Variants in TFB1M observed in about 807,000 individuals in gnomAD.
The protein encoded by TFB1M is dimethyladenosine transferase 1, mitochondrial.
In TFB1M, 27 loss-of-function variants were observed where a neutral mutation model predicts 31.1. The ratio of observed to expected loss-of-function variants is 0.87; its 90% CI spans 0.64 to 1.20. The LOEUF (loss-of-function observed/expected upper bound fraction) is 1.20, where lower values mean the gene tolerates loss of function less well. Ranked by LOEUF, TFB1M falls within the 50% of genes most tolerant of loss-of-function variation. The pLI, the probability that TFB1M is intolerant of heterozygous loss-of-function variation, is 0.00. For synonymous variants in TFB1M, 166 were observed against 151.8 expected (o/e 1.09, Z -0.69); for missense variants, 394 against 418.7 (o/e 0.94, Z 0.51).
At chr6:155,239,583 T>C in the TFB1M span, among the ~76,000 whole-genome samples, 10 of 152,360 alleles carry the variant, frequency 6.6e-5, no homozygotes, top group Non-Finnish European at 2.9e-5. Flanking sequence ...AGGCTGTCTT[T>C]GAGAAGGCGG....
intron 5 of TFB1M, among the ~76,000 whole-genome samples, chr6:155,280,543 T>G (rs897717040): frequency 6.6e-6 from 1 of 152,194 alleles, no homozygotes; most frequent in Non-Finnish European, 1.5e-5. Flanking sequence ...CTCATGCCCC[T>G]TCTCCTGAGG....
chr6:155,305,133 T>C (rs1582877749), intron 2 of TFB1M, among the ~76,000 whole-genome samples: 1 of 109,194 alleles, frequency 9.2e-6, no homozygotes, highest in Admixed American at 1.3e-4. Context: ...TATACATAAT[T>C]ATATATTTAT....
Position 155,314,439 on chromosome 6 carries a change from A to T in TFB1M, c.-11T>A, listed in dbSNP as rs1392576085. 1.9e-6 allele frequency: 3 copies of T among 1,613,936 alleles called. No homozygotes were observed. The highest frequency in any genetic ancestry group is 2.5e-6 in the Non-Finnish European group (3 of 1,179,986). Reference sequence around the variant, plus strand: ...TCCGGAGGCAGCCATGATACGCGGCAAGCACCATCCAACCCTACCTCACCC... The same window carrying T: ...TCCGGAGGCAGCCATGATACGCGGCTAGCACCATCCAACCCTACCTCACCC... On this transcript the variant is annotated 5_prime_UTR_variant, in exon 1 of 7. Coordinates refer to ENST00000367166, the MANE Select transcript of TFB1M (RefSeq NM_016020.4).
chr6:155,257,258 G>A lies in TFB1M; in HGVS notation c.*578C>T, dbSNP rs768306372. The stretch of plus-strand genomic sequence containing the variant: ...GCAGTATACATTTTCCCACAAAATG[G>A]TTGTAAAGATTTAAGTTATTTTAAT... On this transcript the variant is annotated 3_prime_UTR_variant, in exon 7 of 7. Coordinates refer to ENST00000367166, the MANE Select transcript of TFB1M (RefSeq NM_016020.4). The A allele has an allele frequency of 3.2e-5, 31 of 975,718 alleles. No homozygotes were observed. The highest frequency in any genetic ancestry group is 3.3e-4 in the Middle Eastern group (1 of 3,054). 60.4% of individuals were successfully genotyped at this position (975,718 alleles called of 1,614,324 possible).
chr6:155,266,910 T>G (rs1261659929), intron 5 of TFB1M, among the ~76,000 whole-genome samples: 10 of 147,734 alleles, frequency 6.8e-5, no homozygotes, highest in Admixed American at 3.4e-4. Flanking sequence ...AGTGAGACAT[T>G]AAAGCATAGT....
At chr6:155,238,866 A>G in the TFB1M span, among the ~76,000 whole-genome samples, 4 of 152,190 alleles carry the variant, frequency 2.6e-5, no homozygotes, top group Non-Finnish European at 5.9e-5. Flanking sequence ...CCCTCAATTG[A>G]TGACCACTGA....
intron 4 of TFB1M, among the ~76,000 whole-genome samples, chr6:155,296,110 T>C (rs1777159082): frequency 6.6e-6 from 1 of 152,144 alleles, no homozygotes; most frequent in Non-Finnish European, 1.5e-5. Flanking sequence ...CTGGAGGGTT[T>C]ACTTTCTAGA....
rs1435192923 is a variant in TFB1M, at chr6:155,260,372, G to T, written c.695C>A (p.Pro232His). The T allele has an allele frequency of 1.2e-6, 2 of 1,614,168 alleles. No homozygotes were observed. Among genetic ancestry groups the T allele is most frequent in the South Asian group, 2.2e-5 (2 of 91,082 alleles). The change falls in exon 6 of 7, where the codon CCC becomes CAC. Residue 232 changes from proline (P) to histidine (H), a missense_variant. By Grantham distance (77) the Pro-to-His change is moderately conservative (BLOSUM62 -2). Around this residue, in one of 3 missense-constraint regions of TFB1M, gnomAD observed 115 missense variants for 144.1 expected, o/e 0.80. Coordinates refer to ENST00000367166, the MANE Select transcript of TFB1M (RefSeq NM_016020.4). ...CTGCTCTATCTTGGGCTGTATCAAG[G>T]GAGTGAAGTGCACCACGCCCACGTC... ...EVDVGVVHFT[P>H]LIQPKIEQPF...
rs890729133 is a variant in TFB1M at position 155,311,465 on chromosome 6, T to C, written c.134-126A>G. On this transcript the variant is annotated intron_variant, in intron 1 of 6. Transcript: ENST00000367166. ...ATCAATTGATCCTTTATGTATAATA[T>C]TTATTTGACTATTTAACTCTCTACC... The C allele has an allele frequency of 6.4e-6, 5 of 781,608 alleles. No homozygotes were observed. The South Asian group carries it at 7.6e-5, about 12-fold the overall frequency. The allele number at this position is 781,608 out of a possible 1,614,324, so 48.4% of individuals were successfully genotyped here. A position where few individuals can be genotyped will look rare whatever the true frequency, so the allele number is the denominator to read the frequency against.
chr6:155,263,570 T>C (rs146934543), intron 5 of TFB1M, among the ~76,000 whole-genome samples: 2 of 152,332 alleles, frequency 1.3e-5, no homozygotes, highest in East Asian at 3.9e-4. Context: ...CCAGGGTGTC[T>C]AGGACGTGAC....
chr6:155,257,786 C>G lies in TFB1M; in HGVS notation c.*50G>C, dbSNP rs1339626209. The G allele has an allele frequency of 2.5e-6, 4 of 1,611,434 alleles. No homozygotes were observed. Among genetic ancestry groups the G allele is most frequent in the Non-Finnish European group, 3.4e-6 (4 of 1,178,792 alleles). On this transcript the variant is annotated 3_prime_UTR_variant, in exon 7 of 7. Transcript: ENST00000367166. Reference sequence around the variant, plus strand: ...CAAAAGAGTACCTATATAAGAAGCTCCACGTAGTGCAAATCGACATCTGGT... The same window carrying G: ...CAAAAGAGTACCTATATAAGAAGCTGCACGTAGTGCAAATCGACATCTGGT...
At chr6:155,240,583 C>T in the TFB1M span, 35 of 1,614,030 alleles carry the variant, frequency 2.2e-5, no homozygotes, top group East Asian at 3.1e-4. Flanking sequence ...GTCAGGCCAA[C>T]GGCATGGAAG....
intron 4 of TFB1M, among the ~76,000 whole-genome samples, chr6:155,286,527 A>G (rs929014647): frequency 1.4e-5 from 2 of 138,100 alleles, no homozygotes; most frequent in Non-Finnish European, 3.0e-5. Flanking sequence ...ATATATATGT[A>G]TATATATACA....
At chr6:155,241,041 T>C in the TFB1M span, among the ~76,000 whole-genome samples, 10,580 of 152,226 alleles carry the variant, frequency 0.07, 493 homozygotes, top group East Asian at 0.19. Flanking sequence ...TCACTTTAGG[T>C]GATGAGGAAC....
At chr6:155,289,906 C>A (rs1263755141) in intron 4 of TFB1M, among the ~76,000 whole-genome samples, 1 of 152,208 alleles carries the variant, frequency 6.6e-6, no homozygotes, top group Non-Finnish European at 1.5e-5. Flanking sequence ...CCTCCCCACT[C>A]TCTTCCTACT....
chr6:155,250,757 G>T, the TFB1M span: 4 of 1,131,122 alleles, frequency 3.5e-6, no homozygotes, highest in East Asian at 1.0e-4. Context: ...ATTTTCAAAA[G>T]CTCCACCGTT....
At chr6:155,300,226 T>C (rs1201413937) in intron 2 of TFB1M, among the ~76,000 whole-genome samples, 3 of 152,210 alleles carry the variant, frequency 2.0e-5, no homozygotes, top group Non-Finnish European at 2.9e-5. Flanking sequence ...AACGCCTCTA[T>C]TGGTAAGAGG....
At chr6:155,264,792 G>A (rs1784545133) in intron 5 of TFB1M, among the ~76,000 whole-genome samples, 1 of 152,160 alleles carries the variant, frequency 6.6e-6, no homozygotes, top group Non-Finnish European at 1.5e-5. Context: ...TGGTGAGGGG[G>A]ATGAAGAGTT....
At chr6:155,247,617 C>A in the TFB1M span, among the ~76,000 whole-genome samples, 1 of 152,210 alleles carries the variant, frequency 6.6e-6, no homozygotes, top group African/African-American at 2.4e-5. Flanking sequence ...CGTGAGCCAC[C>A]GCACCTGGCC....
Sources: allele counts gnomAD v4.1 joint callset (sites outside exome capture counted in the v4.1 genomes callset), GRCh38; gene constraint gnomAD v4.1.1; regional missense constraint gnomAD v4.1.1; transcripts MANE v1.5; gene names NCBI Gene and HGNC (gene_info 2026-07-23, HGNC 2026-07-21).